The following KAZN variants were observed in gnomAD, a reference collection of about 807,000 sequenced individuals.
The protein encoded by KAZN is kazrin.
A neutral mutation model predicts 87.4 loss-of-function variants in KAZN; 40 were observed. That is an observed-to-expected ratio of 0.46 (90% CI 0.36 to 0.60). The LOEUF (loss-of-function observed/expected upper bound fraction) is 0.60. Ranked by LOEUF, KAZN falls within the 20% of genes least tolerant of loss-of-function variation. The pLI, the probability that KAZN is intolerant of heterozygous loss-of-function variation, is 0.00. For missense variants in KAZN, 898 were observed against 1,073.9 expected (o/e 0.84, Z 2.29); for synonymous variants, 466 against 458.3 (o/e 1.02, Z -0.22).
chr1:14,240,687 A>G (rs1170218781), intron 2 of KAZN, among the ~76,000 whole-genome samples: 1 of 152,204 alleles, frequency 6.6e-6, no homozygotes, highest in Non-Finnish European at 1.5e-5. Flanking sequence ...GGAAAACCAC[A>G]TCTCTTGGGC....
At chr1:14,610,383 TG>T (rs1677721558) in intron 1 of KAZN, among the ~76,000 whole-genome samples, 1 of 152,152 alleles carries the variant, frequency 6.6e-6, no homozygotes, top group African/African-American at 2.4e-5. Context: ...CCACCATGCC[TG>T]GCTAATTTTT....
intron 1 of KAZN, among the ~76,000 whole-genome samples, chr1:14,918,692 AAAAAAAAAAAAAAAAATATATAT>A (rs1421921772): frequency 7.4e-5 from 5 of 67,214 alleles, no homozygotes; most frequent in African/African-American, 3.9e-4. Context: ...AAAAAAAAAA[AAAAAAAAAAAAAAAAATATATAT>A]ATATATATAT....
chr1:14,893,538 T>A (rs1009250291), intron 1 of KAZN, among the ~76,000 whole-genome samples: 1 of 152,028 alleles, frequency 6.6e-6, no homozygotes, highest in Admixed American at 6.5e-5. Flanking sequence ...GAGACCCCCA[T>A]CTTCCCTTCC....
intron 1 of KAZN, among the ~76,000 whole-genome samples, chr1:14,885,796 A>T (rs1435125294): frequency 1.3e-5 from 2 of 152,084 alleles, no homozygotes; most frequent in African/African-American, 4.8e-5. Flanking sequence ...GGTGCTCTAC[A>T]ATCCTCTTGC....
chr1:15,077,397 G>A lies in KAZN; in HGVS notation c.1222+11644G>A, dbSNP rs991455392. Among the ~76,000 whole-genome samples the A allele has an allele frequency of 1.3e-5, 2 of 152,132 alleles. No homozygotes were observed. The highest frequency in any genetic ancestry group is 2.9e-5 in the Non-Finnish European group (2 of 68,018). On this transcript the variant is annotated intron_variant, in intron 8 of 14. Coordinates refer to ENST00000376030, the MANE Select transcript of KAZN (RefSeq NM_201628.3). This position sits in a 1 kb window ranked among gnomAD's most constrained non-coding sequence, Gnocchi z 4.8. The stretch of plus-strand genomic sequence containing the variant: ...GCCCTCCTGTCCTCCACTCCCTGAC[G>A]GCCAGGCAGCAGGGCTCCACGCTTG...
chr1:14,718,356 C>A (rs957218865), intron 1 of KAZN, among the ~76,000 whole-genome samples: 1 of 152,158 alleles, frequency 6.6e-6, no homozygotes, highest in Middle Eastern at 3.2e-3. Context: ...TTGTATGGCC[C>A]CTTAATCACC....
intron 1 of KAZN, among the ~76,000 whole-genome samples, chr1:14,940,985 G>A (rs1243623212): frequency 1.5e-5 from 2 of 134,316 alleles, no homozygotes; most frequent in East Asian, 2.3e-4. Context: ...GTGCAATCTC[G>A]GCTCACTGTA....
chr1:15,074,993 A>C (rs941927406), intron 8 of KAZN, among the ~76,000 whole-genome samples: 3 of 152,172 alleles, frequency 2.0e-5, no homozygotes, highest in Non-Finnish European at 2.9e-5. Flanking sequence ...CGGCCCTGTG[A>C]GGTAGGCAGG....
chr1:14,179,810 A>G (rs80262212), intron 1 of KAZN, among the ~76,000 whole-genome samples: 1 of 152,212 alleles, frequency 6.6e-6, no homozygotes, highest in Non-Finnish European at 1.5e-5. Flanking sequence ...GATCAAGTCC[A>G]TTGTAGAGAA....
At chr1:14,301,797 A>G (rs969681982) in intron 2 of KAZN, among the ~76,000 whole-genome samples, 1 of 152,154 alleles carries the variant, frequency 6.6e-6, no homozygotes, top group Non-Finnish European at 1.5e-5. Context: ...TCCTTTCCCT[A>G]CTGGCCCATT....
intron 1 of KAZN, among the ~76,000 whole-genome samples, chr1:14,902,708 G>A (rs963907452): frequency 2.0e-5 from 3 of 152,154 alleles, no homozygotes; most frequent in Non-Finnish European, 4.4e-5. Flanking sequence ...GGTGGGAGCT[G>A]CCAGGGCTGC....
At chr1:14,114,486 A>T (rs185970163) in intron 1 of KAZN, among the ~76,000 whole-genome samples, 2 of 151,906 alleles carry the variant, frequency 1.3e-5, no homozygotes, top group East Asian at 3.9e-4. Context: ...AGGCATCCAG[A>T]TTGTGTCCTC....
rs113937893 is a variant in KAZN, at chr1:14,162,547, CTTT to C, written c.92-17875_92-17873del. Among the ~76,000 whole-genome samples, 331 of 138,816 alleles carry C rather than the reference CTTT, an allele frequency of 2.4e-3. 4 individuals carry two copies. The highest frequency in any genetic ancestry group is 8.1e-3 in the African/African-American group (306 of 37,694). 91.1% of individuals were successfully genotyped at this position (138,816 alleles called of 152,430 possible). A position where few individuals can be genotyped will look rare whatever the true frequency, so the allele number is the denominator to read the frequency against. On this transcript the variant is annotated intron_variant, in intron 1 of 16. Coordinates refer to the KAZN transcript ENST00000636203. ...GGTTTTATCTTTTCTTTTCTTTTTT[CTTT>C]TTTTTTTTTTTTGAGACAGAGTCTC... is the stretch of plus-strand genomic sequence containing the variant.
intron 1 of KAZN, among the ~76,000 whole-genome samples, chr1:14,024,814 G>A (rs1249280883): frequency 6.6e-6 from 1 of 152,186 alleles, no homozygotes; most frequent in Non-Finnish European, 1.5e-5. Context: ...ACTAGAGAAT[G>A]CTTGAAAGGC....
chr1:14,834,492 G>A (rs61772313), intron 1 of KAZN, among the ~76,000 whole-genome samples: 68 of 150,994 alleles, frequency 4.5e-4, no homozygotes, highest in African/African-American at 1.6e-3. Flanking sequence ...CTCCCAAGTA[G>A]CTGGGACTAC....
chr1:15,017,546 G>T (rs36109194), intron 2 of KAZN, among the ~76,000 whole-genome samples: 17,215 of 152,182 alleles, frequency 0.11, 1,343 homozygotes, highest in Non-Finnish European at 0.18. Flanking sequence ...GCTCACGCCT[G>T]TAATCCCAGC....
At chr1:14,758,602 C>T (rs904686158) in intron 1 of KAZN, among the ~76,000 whole-genome samples, 7 of 152,166 alleles carry the variant, frequency 4.6e-5, no homozygotes, top group Admixed American at 3.3e-4. Context: ...CATGAGCCAC[C>T]ACAATGCCCT....
chr1:14,640,529 G>A (rs1680338654), intron 1 of KAZN, among the ~76,000 whole-genome samples: 1 of 152,146 alleles, frequency 6.6e-6, no homozygotes, highest in Non-Finnish European at 1.5e-5. Context: ...GGTTTCCAGT[G>A]TCACCTCCCT....
intron 2 of KAZN, among the ~76,000 whole-genome samples, chr1:14,314,589 C>T (rs1655526026): frequency 6.6e-6 from 1 of 152,160 alleles, no homozygotes; most frequent in African/African-American, 2.4e-5. Context: ...ACGCAGTTCT[C>T]AATCACTGCA....
Sources: allele counts gnomAD v4.1 joint callset (sites outside exome capture counted in the v4.1 genomes callset), GRCh38; gene constraint gnomAD v4.1.1; non-coding constraint Gnocchi (gnomAD v3.1); transcripts MANE v1.5; gene names NCBI Gene and HGNC (gene_info 2026-07-23, HGNC 2026-07-21).